Variants in PHTF2 observed in about 807,000 individuals in gnomAD.
PHTF2 encodes the protein putative homeodomain transcription factor 2.
In PHTF2, 60 loss-of-function variants were observed where a neutral mutation model predicts 101.2. The observed-to-expected ratio is 0.59, with a 90% CI of 0.48 to 0.73. PHTF2 has a LOEUF of 0.73. PHTF2 is among the 30% of genes least tolerant of loss of function. The pLI, the probability that PHTF2 is intolerant of heterozygous loss-of-function variation, is 0.00. For synonymous variants in PHTF2, 311 were observed against 307.3 expected (o/e 1.01, Z -0.13); for missense variants, 747 against 908.7 (o/e 0.82, Z 2.29).
At chr7:77,847,647 A>C (rs1392421782) in intron 2 of PHTF2, among the ~76,000 whole-genome samples, 1 of 152,238 alleles carries the variant, frequency 6.6e-6, no homozygotes, top group Non-Finnish European at 1.5e-5. Context: ...CAAACATATA[A>C]TCACATCACT....
intron 3 of PHTF2, among the ~76,000 whole-genome samples, chr7:77,855,949 T>C (rs1056255481): frequency 6.6e-6 from 1 of 152,242 alleles, no homozygotes; most frequent in African/African-American, 2.4e-5. Flanking sequence ...AGTACTTTGT[T>C]TACTCACCTG....
chr7:77,859,786 G>A (rs941753457), intron 3 of PHTF2, among the ~76,000 whole-genome samples: 1 of 151,936 alleles, frequency 6.6e-6, no homozygotes, highest in Non-Finnish European at 1.5e-5. Flanking sequence ...TGTTGCTCAG[G>A]CTGGCCTTGA....
At chr7:77,912,638 T>C (rs1057455285) in intron 9 of PHTF2, among the ~76,000 whole-genome samples, 7 of 151,058 alleles carry the variant, frequency 4.6e-5, no homozygotes, top group African/African-American at 1.5e-4. Flanking sequence ...AGATGTTAGG[T>C]TGAGAACCAC....
intron 3 of PHTF2, among the ~76,000 whole-genome samples, chr7:77,855,644 C>T (rs1797115591): frequency 1.3e-5 from 2 of 152,122 alleles, no homozygotes; most frequent in Non-Finnish European, 1.5e-5. Context: ...CTAGCCGGAA[C>T]GCAGTTTCTG....
intron 1 of PHTF2, among the ~76,000 whole-genome samples, chr7:77,821,607 A>G (rs1794297946): frequency 6.6e-6 from 1 of 151,906 alleles, no homozygotes; most frequent in South Asian, 2.1e-4. Flanking sequence ...ATGGCTTCAC[A>G]ACTTCTTGGC....
At chr7:77,819,877 A>G (rs546268271) in intron 1 of PHTF2, among the ~76,000 whole-genome samples, 2 of 152,124 alleles carry the variant, frequency 1.3e-5, no homozygotes, top group South Asian at 4.1e-4. Context: ...CTTTTCTTTT[A>G]TGGGAGACTT....
At chr7:77,838,105 A>G (rs1156970231) in intron 1 of PHTF2, among the ~76,000 whole-genome samples, 1 of 152,210 alleles carries the variant, frequency 6.6e-6, no homozygotes, top group Non-Finnish European at 1.5e-5. Context: ...CACAGTTGTC[A>G]TGACAAACAA....
At chr7:77,806,699 C>A (rs1372803961) in intron 1 of PHTF2, among the ~76,000 whole-genome samples, 2 of 151,970 alleles carry the variant, frequency 1.3e-5, no homozygotes, top group Admixed American at 1.3e-4. Context: ...TTAAGTCTAT[C>A]GTCTTGCTAT....
At chr7:77,865,711 T>C (rs1358929514) in intron 3 of PHTF2, among the ~76,000 whole-genome samples, 3 of 152,208 alleles carry the variant, frequency 2.0e-5, no homozygotes, top group African/African-American at 7.2e-5. Context: ...GGTAAATGTT[T>C]ACTGCTTTGA....
At chr7:77,895,285 A>G in intron 5 of PHTF2, 2 of 356,488 alleles carry the variant, frequency 5.6e-6, no homozygotes, top group South Asian at 4.4e-5. Flanking sequence ...GAATGATGAA[A>G]TAAAAGGACT....
chr7:77,868,519 A>G (rs1207738736), intron 3 of PHTF2, among the ~76,000 whole-genome samples: 1 of 152,030 alleles, frequency 6.6e-6, no homozygotes, highest in Non-Finnish European at 1.5e-5. Context: ...AGTGAAAGCT[A>G]TTCTTCATAT....
At chr7:77,803,395 G>A (rs1038072953) in intron 1 of PHTF2, among the ~76,000 whole-genome samples, 1 of 152,170 alleles carries the variant, frequency 6.6e-6, no homozygotes, top group Non-Finnish European at 1.5e-5. Context: ...AAGACCTTTT[G>A]TATAGGATTT....
intron 11 of PHTF2, 79 bp from the exon 11 acceptor site, chr7:77,929,030 T>C: frequency 1.0e-6 from 1 of 1,000,352 alleles, no homozygotes; most frequent in East Asian, 2.6e-5. Context: ...AAAGTATCAA[T>C]ATATGGGTTC....
At chr7:77,883,358 G>A (rs751534008) in intron 3 of PHTF2, among the ~76,000 whole-genome samples, 8 of 152,040 alleles carry the variant, frequency 5.3e-5, no homozygotes, top group Non-Finnish European at 1.2e-4. Context: ...GAGAATAATT[G>A]TCAAATGTTC....
intron 11 of PHTF2, among the ~76,000 whole-genome samples, chr7:77,927,157 CA>C (rs869210694): frequency 0.04 from 1,447 of 36,242 alleles, 18 homozygotes; most frequent in Non-Finnish European, 0.043. Context: ...GACTCCATCT[CA>C]AAAAAAAAAA....
chr7:77,948,457 C>T (rs1806272993), intron 16 of PHTF2, among the ~76,000 whole-genome samples: 1 of 151,928 alleles, frequency 6.6e-6, no homozygotes, highest in African/African-American at 2.4e-5. Context: ...TTAATATGAT[C>T]ACAAATGAAA....
intron 3 of PHTF2, among the ~76,000 whole-genome samples, chr7:77,876,182 G>A (rs540814025): frequency 5.9e-5 from 9 of 152,258 alleles, no homozygotes; most frequent in Non-Finnish European, 1.0e-4. Context: ...TGGGTTCTTA[G>A]GTGGTTGAGA....
intron 1 of PHTF2, among the ~76,000 whole-genome samples, chr7:77,833,684 G>T (rs757564983): frequency 6.6e-6 from 1 of 152,126 alleles, no homozygotes; most frequent in African/African-American, 2.4e-5. Flanking sequence ...ATGAGGATAT[G>T]TTATGTGCCC....
intron 9 of PHTF2, among the ~76,000 whole-genome samples, chr7:77,919,420 T>A (rs1478417892): frequency 3.3e-5 from 5 of 152,198 alleles, no homozygotes; most frequent in Non-Finnish European, 7.3e-5. Flanking sequence ...TAAATATAAT[T>A]GCTTTAAAAA....
Sources: allele counts gnomAD v4.1 joint callset (sites outside exome capture counted in the v4.1 genomes callset), GRCh38; gene constraint gnomAD v4.1.1; transcripts MANE v1.5; gene names NCBI Gene and HGNC (gene_info 2026-07-23, HGNC 2026-07-21).